GALNT1: variants seen among roughly 807,000 people sequenced by gnomAD.
GALNT1 encodes polypeptide N-acetylgalactosaminyltransferase 1.
Under a neutral mutation model 65.7 loss-of-function variants are expected in GALNT1, and 17 were observed. The observed-to-expected ratio is 0.26, with a 90% confidence interval of 0.18 to 0.39. The LOEUF is 0.39. Ranked by LOEUF, GALNT1 falls within the 10% of genes least tolerant of loss-of-function variation. GALNT1 has a pLI of 1.00. For synonymous variants in GALNT1, 210 were observed against 219.7 expected (o/e 0.96, Z 0.39); for missense variants, 460 against 672.8 (o/e 0.68, Z 3.50).
chr18:35,591,049 C>T (rs1170566855), intron 1 of GALNT1, among the ~76,000 whole-genome samples: 3 of 152,072 alleles, frequency 2.0e-5, no homozygotes, highest in African/African-American at 7.2e-5. Context: ...GTAACATGGT[C>T]TCTGATCTGA....
intron 1 of GALNT1, among the ~76,000 whole-genome samples, chr18:35,617,564 C>T (rs1032758057): frequency 1.3e-5 from 2 of 152,206 alleles, no homozygotes; most frequent in Non-Finnish European, 2.9e-5. Flanking sequence ...CATTTTCCCA[C>T]TTGTGTTCCA....
At chr18:35,607,217 A>G (rs538869884) in intron 1 of GALNT1, among the ~76,000 whole-genome samples, 1 of 152,246 alleles carries the variant, frequency 6.6e-6, no homozygotes, top group South Asian at 2.1e-4. Context: ...AGGCAGTTTG[A>G]GGCAATCAGA....
intron 1 of GALNT1, among the ~76,000 whole-genome samples, chr18:35,650,138 G>A (rs1003055118): frequency 3.3e-5 from 5 of 152,036 alleles, no homozygotes; most frequent in Non-Finnish European, 2.9e-5. Flanking sequence ...TTCCCTAAGT[G>A]TCCTCCGGTC....
In GALNT1 at chr18:35,711,246, A is replaced by T. The variant is rs2048346747; in HGVS notation, c.*1476A>T. On this transcript the variant is annotated 3_prime_UTR_variant, in exon 12 of 12. Transcript: ENST00000269195. ...GAGCAGTCTGTTGGCAAAAATGCATATATTTTCTTTCATATTTGTAAAATT... is the reference window on the plus strand; with the variant it reads ...GAGCAGTCTGTTGGCAAAAATGCATTTATTTTCTTTCATATTTGTAAAATT... 1 of 152,424 alleles carries T rather than the reference A, an allele frequency of 6.6e-6. No homozygotes were observed. The highest frequency in any genetic ancestry group is 2.1e-4 in the South Asian group (1 of 4,832). 9.4% of individuals were successfully genotyped at this position (152,424 alleles called of 1,614,324 possible).
chr18:35,677,644 T>C lies in GALNT1; in HGVS notation c.368T>C (p.Val123Ala), dbSNP rs2144572863. Residue 123 changes from valine to alanine, a missense_variant, in exon 4 of 12, where the codon GTT becomes GCT. Transcript: ENST00000269195. ...DNLPTTSVVI[V>A]FHNEAWSTLL... Reference sequence around the variant, plus strand: ...CTTCCTACAACAAGTGTGGTGATTGTTTTCCACAATGAGGCTTGGAGCACA... The same window carrying C: ...CTTCCTACAACAAGTGTGGTGATTGCTTTCCACAATGAGGCTTGGAGCACA... The C allele has an allele frequency of 6.2e-7, 1 of 1,613,232 alleles. No individual in the cohort carries two copies. The highest frequency in any genetic ancestry group is 1.1e-5 in the South Asian group (1 of 90,990).
chr18:35,658,849 A>G (rs1021448594), intron 2 of GALNT1, among the ~76,000 whole-genome samples: 5 of 151,756 alleles, frequency 3.3e-5, no homozygotes, highest in Non-Finnish European at 5.9e-5. Context: ...TGCTGGGATT[A>G]CAGGCACCCG....
intron 5 of GALNT1, among the ~76,000 whole-genome samples, chr18:35,685,688 G>A (rs1313575988): frequency 6.6e-6 from 1 of 152,162 alleles, no homozygotes; most frequent in Non-Finnish European, 1.5e-5. Context: ...TGTCAATTGT[G>A]TATGTGTTTG....
chr18:35,635,084 G>GCTGT (rs2047071887), intron 1 of GALNT1, among the ~76,000 whole-genome samples: 2 of 152,160 alleles, frequency 1.3e-5, no homozygotes. Context: ...ACAACATAAA[G>GCTGT]CTGTACTCAT....
rs113766690 is a variant in GALNT1 at position 35,702,878 on chromosome 18, A to ATTATTTATTGTCC, written c.1300-18_1300-6dup. 5,550 of 1,514,752 alleles carry ATTATTTATTGTCC rather than the reference A, an allele frequency of 3.7e-3. 189 individuals are homozygous for ATTATTTATTGTCC. The African/African-American group carries it at 0.065, about 18-fold the overall frequency. The allele number at this position is 1,514,752 out of a possible 1,614,324, so 93.8% of individuals were successfully genotyped here. ...AACTTCTCCAACTCCTGATATTTTC[A>ATTATTTATTGTCC]TTATTTATTGTCCCATAGATACGAA... is the stretch of plus-strand genomic sequence containing the variant. On this transcript the variant is annotated intron_variant, in intron 9 of 11. Transcript: ENST00000269195.
chr18:35,588,321 C>A (rs1412856182), intron 1 of GALNT1, among the ~76,000 whole-genome samples: 1 of 152,148 alleles, frequency 6.6e-6, no homozygotes, highest in African/African-American at 2.4e-5. Flanking sequence ...AATTTTTCCT[C>A]TGTAGAAAGG....
chr18:35,667,577 C>CT (rs1244046721), intron 3 of GALNT1, among the ~76,000 whole-genome samples: 1 of 152,154 alleles, frequency 6.6e-6, no homozygotes, highest in Non-Finnish European at 1.5e-5. Flanking sequence ...ATATATATTT[C>CT]TTTTTTTATA....
rs892664738 is a variant in GALNT1 at position 35,606,947 on chromosome 18, A to G, written c.-104+25085A>G. ...TCATAGCACTGGCCATATTTATATCACATTCCAGAGGAAACTGCCTGACCC... is the reference window on the plus strand; with the variant it reads ...TCATAGCACTGGCCATATTTATATCGCATTCCAGAGGAAACTGCCTGACCC... On this transcript the variant is annotated intron_variant, in intron 1 of 11. Coordinates refer to ENST00000269195, the MANE Select transcript of GALNT1 (RefSeq NM_020474.4). Among the ~76,000 whole-genome samples, 4 of 151,782 alleles carry G rather than the reference A, an allele frequency of 2.6e-5. No individual in the cohort carries two copies. In the East Asian group the frequency reaches 5.8e-4, roughly 22 times the overall value.
chr18:35,667,513 A>T (rs906238324), intron 3 of GALNT1, among the ~76,000 whole-genome samples: 6 of 152,204 alleles, frequency 3.9e-5, no homozygotes, highest in African/African-American at 1.4e-4. Flanking sequence ...ATAAACAATG[A>T]TACTTTCATA....
intron 1 of GALNT1, among the ~76,000 whole-genome samples, chr18:35,601,065 T>G (rs146459896): frequency 7.9e-5 from 12 of 152,274 alleles, no homozygotes; most frequent in African/African-American, 2.4e-4. Context: ...AGTGAAGCCA[T>G]CAGGTTCTGG....
At chr18:35,646,238 C>T (rs1053057780) in intron 1 of GALNT1, among the ~76,000 whole-genome samples, 7 of 152,138 alleles carry the variant, frequency 4.6e-5, no homozygotes, top group African/African-American at 7.2e-5. Flanking sequence ...CTCACTATCC[C>T]GAGAACAGCA....
At chr18:35,670,112 GA>G (rs1180326609) in intron 3 of GALNT1, among the ~76,000 whole-genome samples, 1 of 152,022 alleles carries the variant, frequency 6.6e-6, no homozygotes, top group East Asian at 1.9e-4. Flanking sequence ...CAACATTGAT[GA>G]GACCCCATCT....
intron 1 of GALNT1, among the ~76,000 whole-genome samples, chr18:35,646,682 A>G (rs886720022): frequency 6.6e-6 from 1 of 152,250 alleles, no homozygotes; most frequent in African/African-American, 2.4e-5. Flanking sequence ...GAAGCAAGTC[A>G]CTAAGTCCAG....
At chr18:35,669,704 A>C (rs2047603652) in intron 3 of GALNT1, among the ~76,000 whole-genome samples, 1 of 152,158 alleles carries the variant, frequency 6.6e-6, no homozygotes, top group Admixed American at 6.5e-5. Flanking sequence ...TTCTAGAAAA[A>C]CAAAACCCTC....
intron 1 of GALNT1, among the ~76,000 whole-genome samples, chr18:35,648,823 AC>A (rs1297615226): frequency 2.6e-5 from 4 of 152,002 alleles, no homozygotes; most frequent in Admixed American, 2.0e-4. Flanking sequence ...CAGTTGTATG[AC>A]CCCCAGCCCA....
Sources: allele counts gnomAD v4.1 joint callset (sites outside exome capture counted in the v4.1 genomes callset), GRCh38; gene constraint gnomAD v4.1.1; transcripts MANE v1.5; gene names NCBI Gene and HGNC (gene_info 2026-07-23, HGNC 2026-07-21).